The following MAPT variants were observed in gnomAD, a reference collection of about 807,000 sequenced individuals.
MAPT encodes microtubule associated protein tau, also known as microtubule-associated protein tau.
Under a neutral mutation model 67.9 loss-of-function variants are expected in MAPT, and 34 were observed. That is an observed-to-expected ratio of 0.50 (90% confidence interval 0.38 to 0.67). The LOEUF is 0.67. MAPT is among the 30% of genes least tolerant of loss of function. The pLI is 0.00. For synonymous variants in MAPT, 456 were observed against 464.5 expected (o/e 0.98, Z 0.23); for missense variants, 881 against 1,115.2 (o/e 0.79, Z 2.99).
In MAPT at chr17:45,987,087, A is replaced by G; in HGVS notation, c.1399A>G (p.Lys467Glu). 1 of 1,614,094 alleles carries G rather than the reference A, an allele frequency of 6.2e-7. No individual in the cohort carries two copies. The highest frequency in any genetic ancestry group is 8.5e-7 in the Non-Finnish European group (1 of 1,179,956). The change falls in exon 6 of 13, where the codon AAA (lysine) becomes GAA (glutamate). Residue 467 changes from lysine to glutamate, a missense_variant. Transcript: ENST00000262410. Reference sequence around the variant, plus strand: ...AGACGGGACTGGAAGCGATGACAAAAAAGCCAAGGTAAGCTGACGATGCCA... The same window carrying G: ...AGACGGGACTGGAAGCGATGACAAAGAAGCCAAGGTAAGCTGACGATGCCA... ...SKDGTGSDDKKAKTSTRSSAK... is the reference protein window; with the variant it reads ...SKDGTGSDDKEAKTSTRSSAK...
At chr17:45,994,859 CAGTCTCTACTAAAATA>C (rs377702118) in intron 8 of MAPT, among the ~76,000 whole-genome samples, 264 of 152,070 alleles carry the variant, frequency 1.7e-3, no homozygotes, top group African/African-American at 6.2e-3. Flanking sequence ...TACAAAAATC[CAGTCTCTACTAAAATA>C]AGTCTCTACT....
At chr17:45,949,524 A>T (rs1398221871) in intron 1 of MAPT, among the ~76,000 whole-genome samples, 1 of 152,164 alleles carries the variant, frequency 6.6e-6, no homozygotes, top group Non-Finnish European at 1.5e-5. Flanking sequence ...TCAGAATTCA[A>T]GCCTTGCTCT....
chr17:45,902,370 A>C (rs1053379311), intron 1 of MAPT, among the ~76,000 whole-genome samples: 1 of 152,096 alleles, frequency 6.6e-6, no homozygotes, highest in Admixed American at 6.6e-5. Flanking sequence ...GCGCCCGGCC[A>C]GCTTGCACCT....
intron 1 of MAPT, among the ~76,000 whole-genome samples, chr17:45,949,188 G>A (rs1399269044): frequency 6.6e-6 from 1 of 152,258 alleles, no homozygotes; most frequent in East Asian, 1.9e-4. Context: ...ATTCTGCTGA[G>A]TCACCGCGGG....
chr17:46,016,746 A>G (rs62062281), intron 11 of MAPT, among the ~76,000 whole-genome samples: 21,802 of 152,228 alleles, frequency 0.14, 2,133 homozygotes, highest in Non-Finnish European at 0.22. Flanking sequence ...ATACCAGCCT[A>G]GGTGACAGAG....
intron 1 of MAPT, among the ~76,000 whole-genome samples, chr17:45,914,327 C>G (rs2065022610): frequency 6.8e-6 from 1 of 147,640 alleles, no homozygotes; most frequent in Non-Finnish European, 1.5e-5. Flanking sequence ...AAGAATTAAC[C>G]CTTTCTATGT....
At chr17:45,902,090 T>G (rs1031870412) in intron 1 of MAPT, among the ~76,000 whole-genome samples, 2 of 152,226 alleles carry the variant, frequency 1.3e-5, no homozygotes, top group Non-Finnish European at 2.9e-5. Flanking sequence ...TTAATCTTTT[T>G]TTGAGACGGA....
At chr17:45,900,844 A>G (rs1228560803) in intron 1 of MAPT, among the ~76,000 whole-genome samples, 1 of 152,100 alleles carries the variant, frequency 6.6e-6, no homozygotes, top group Non-Finnish European at 1.5e-5. Flanking sequence ...GTATGATGGT[A>G]CCTGTCTCAC....
chr17:45,934,192 T>C (rs1439960709), intron 1 of MAPT, among the ~76,000 whole-genome samples: 2 of 152,084 alleles, frequency 1.3e-5, no homozygotes, highest in Admixed American at 1.3e-4. Context: ...TTTTAAAAAT[T>C]AGCCAGGCAT....
intron 1 of MAPT, among the ~76,000 whole-genome samples, chr17:45,904,663 G>C (rs2143969494): frequency 6.6e-6 from 1 of 150,730 alleles, no homozygotes; most frequent in South Asian, 2.1e-4. Flanking sequence ...TAGCACTCCA[G>C]CCTGGGTAAC....
At chr17:45,919,498 C>A (rs1390542822) in intron 1 of MAPT, among the ~76,000 whole-genome samples, 4 of 152,244 alleles carry the variant, frequency 2.6e-5, no homozygotes, top group African/African-American at 4.8e-5. Context: ...ATGGTGAGCT[C>A]ACACCCAGAG....
At position 45,915,776 on chromosome 17, in the gene MAPT, A is replaced by G. The variant is rs1317360190; in HGVS notation, c.-18+21090A>G. On this transcript the variant is annotated intron_variant, in intron 1 of 12. Transcript: ENST00000262410. The surrounding 1 kb of genome is among the most constrained non-coding windows in gnomAD (Gnocchi z 4.4). ...AGTCTGTGACAACCCAGACTAGCCC[A>G]TGAGCCACCCTGTTCCCTGCATTTC... Among the ~76,000 whole-genome samples, 1 of 152,136 alleles carries G rather than the reference A, an allele frequency of 6.6e-6. No homozygotes were observed. The highest frequency in any genetic ancestry group is 1.5e-5 in the Non-Finnish European group (1 of 68,008).
chr17:45,913,552 T>G (rs1025154825), intron 1 of MAPT, among the ~76,000 whole-genome samples: 7 of 152,214 alleles, frequency 4.6e-5, no homozygotes, highest in African/African-American at 1.7e-4. Context: ...CACCCTTTGA[T>G]AGCAGGATAG....
chr17:45,935,187 T>C (rs2067210486), intron 1 of MAPT, among the ~76,000 whole-genome samples: 9 of 152,038 alleles, frequency 5.9e-5, no homozygotes, highest in Admixed American at 5.9e-4. Context: ...TGCCTTTCCA[T>C]TCCCTCGGGA....
At chr17:45,940,215 G>A (rs2067730517) in intron 1 of MAPT, among the ~76,000 whole-genome samples, 1 of 152,166 alleles carries the variant, frequency 6.6e-6, no homozygotes, top group Non-Finnish European at 1.5e-5. Context: ...GAAAGCAACT[G>A]TTTTCTGCGT....
intron 1 of MAPT, among the ~76,000 whole-genome samples, chr17:45,951,693 C>G (rs1428337367): frequency 6.6e-6 from 1 of 152,132 alleles, no homozygotes; most frequent in Non-Finnish European, 1.5e-5. Context: ...TTCCCCCACC[C>G]CGCCCCCCGG....
At chr17:45,988,590 C>A (rs2073798594) in intron 6 of MAPT, among the ~76,000 whole-genome samples, 1 of 151,946 alleles carries the variant, frequency 6.6e-6, no homozygotes, top group African/African-American at 2.4e-5. Context: ...CAAAAGTAAG[C>A]AGTGTTGTTT....
At chr17:45,919,350 G>GC (rs11331843) in intron 1 of MAPT, among the ~76,000 whole-genome samples, 281 of 151,552 alleles carry the variant, frequency 1.9e-3, no homozygotes, top group African/African-American at 3.9e-3. Flanking sequence ...AGGAAGGGGC[G>GC]CCCCCCCCGC....
rs890490111 is a variant in MAPT, at chr17:45,906,808, G to C, written c.-18+12122G>C. On this transcript the variant is annotated intron_variant, in intron 1 of 12. Coordinates refer to ENST00000262410, the MANE Select transcript of MAPT (RefSeq NM_001377265.1). The surrounding 1 kb of genome is among the most constrained non-coding windows in gnomAD (Gnocchi z 4.3). ...CCAGTCCCGAATGTGGCAAGCCATGGAGCCTTAAGCTCTTCTCCCTCCACA... is the reference window on the plus strand; with the variant it reads ...CCAGTCCCGAATGTGGCAAGCCATGCAGCCTTAAGCTCTTCTCCCTCCACA... Among the ~76,000 whole-genome samples the C allele has an allele frequency of 2.0e-5, 3 of 152,054 alleles. No homozygotes were observed. The highest frequency in any genetic ancestry group is 7.3e-5 in the African/African-American group (3 of 41,378).
Sources: allele counts gnomAD v4.1 joint callset (sites outside exome capture counted in the v4.1 genomes callset), GRCh38; gene constraint gnomAD v4.1.1; non-coding constraint Gnocchi (gnomAD v3.1); transcripts MANE v1.5; gene names NCBI Gene and HGNC (gene_info 2026-07-23, HGNC 2026-07-21).